Variants in ATP10A observed in about 807,000 individuals in gnomAD.
ATP10A encodes the protein phospholipid-transporting ATPase VA.
In ATP10A, 111 loss-of-function variants were observed where a neutral mutation model predicts 147.8. That is an observed-to-expected ratio of 0.75 (90% CI 0.64 to 0.88). ATP10A has a LOEUF of 0.88. Ranked by LOEUF, ATP10A falls within the 40% of genes least tolerant of loss-of-function variation. The pLI is 0.00. For synonymous variants in ATP10A, 875 were observed against 841.6 expected (o/e 1.04, Z -0.69); for missense variants, 1,927 against 1,959.0 (o/e 0.98, Z 0.31).
chr15:25,681,152 G>A (rs894572554), intron 17 of ATP10A, 78 bp from the exon 18 acceptor site: 3 of 1,426,264 alleles, frequency 2.1e-6, no homozygotes, highest in East Asian at 4.8e-5. Flanking sequence ...TAAAAATGGA[G>A]TCACTTGTGT....
rs928551220 is a variant in ATP10A at position 25,752,996 on chromosome 15, G to A, written c.655-16855C>T. On this transcript the variant is annotated intron_variant, in intron 2 of 20. Transcript: ENST00000555815. ...ATTTATAATTGTATAAATTTATGGGGTATAAAGTAATGGTATAATTTGTGA... is the reference window on the plus strand; with the variant it reads ...ATTTATAATTGTATAAATTTATGGGATATAAAGTAATGGTATAATTTGTGA... 3.3e-5 allele frequency among the ~76,000 whole-genome samples: 5 copies of A among 151,960 alleles called. No homozygotes were observed. In the East Asian group the frequency reaches 9.6e-4, roughly 29 times the overall value.
chr15:25,862,537 G>A, intron 1 of ATP10A, 111 bp downstream of exon 1: 1 of 1,264,238 alleles, frequency 7.9e-7, no homozygotes, highest in Non-Finnish European at 1.1e-6. Context: ...ACCCTGAGTG[G>A]AGCTGCCTTC....
intron 1 of ATP10A, among the ~76,000 whole-genome samples, chr15:25,782,485 C>T (rs765177554): frequency 5.3e-5 from 8 of 152,080 alleles, no homozygotes; most frequent in South Asian, 4.2e-4. Flanking sequence ...CATGTTTCAT[C>T]GTAATAAAAA....
In ATP10A at chr15:25,752,475, G is replaced by A. The variant is rs185969841; in HGVS notation, c.655-16334C>T. Reference sequence around the variant, plus strand: ...ACTCAGAAGCAGAGAGTGGAATTGTGGTTACAGAGGCTGGGAGTTGGGAGA... The same window carrying A: ...ACTCAGAAGCAGAGAGTGGAATTGTAGTTACAGAGGCTGGGAGTTGGGAGA... On this transcript the variant is annotated intron_variant, in intron 2 of 20. Transcript: ENST00000555815. Among the ~76,000 whole-genome samples the A allele has an allele frequency of 1.3e-3, 198 of 152,278 alleles. 1 individual carries two copies. Among genetic ancestry groups the A allele is most frequent in the African/African-American group, 4.5e-3 (187 of 41,552 alleles).
chr15:25,701,191 G>A lies in ATP10A; in HGVS notation c.2760+725C>T, dbSNP rs899341437. Among the ~76,000 whole-genome samples the A allele has an allele frequency of 3.9e-5, 6 of 152,168 alleles. No individual in the cohort carries two copies. In the South Asian group the frequency reaches 1.2e-3, roughly 32 times the overall value. On this transcript the variant is annotated intron_variant, in intron 13 of 20. Transcript: ENST00000555815. ...TCCTAGAGGCCAGGAGATGAGTGGG[G>A]GCTGCTGCAATAACTCACAGAGCAG...
chr15:25,693,689 C>G (rs1900156422), intron 14 of ATP10A, among the ~76,000 whole-genome samples: 1 of 152,210 alleles, frequency 6.6e-6, no homozygotes, highest in Non-Finnish European at 1.5e-5. Context: ...CAGGCCATGG[C>G]TGTTAGGTTC....
chr15:25,832,903 C>T (rs1892422701), intron 1 of ATP10A, among the ~76,000 whole-genome samples: 1 of 151,796 alleles, frequency 6.6e-6, no homozygotes, highest in Non-Finnish European at 1.5e-5. Context: ...AAACCGTATA[C>T]ATAGGCAATA....
downstream of ATP10A, among the ~76,000 whole-genome samples, chr15:25,676,426 T>G (rs999705579): frequency 5.9e-5 from 9 of 152,226 alleles, no homozygotes; most frequent in Non-Finnish European, 1.3e-4. Context: ...ATCCAAGCAC[T>G]TGCAGCCATG....
At chr15:25,772,739 C>T (rs187756956) in intron 2 of ATP10A, among the ~76,000 whole-genome samples, 142 of 152,246 alleles carry the variant, frequency 9.3e-4, no homozygotes, top group African/African-American at 3.0e-3. Flanking sequence ...ATGAACACCC[C>T]GGCATGCACC....
chr15:25,687,941 A>T, intron 15 of ATP10A, 113 bp from the exon 16 acceptor site: 5 of 1,505,960 alleles, frequency 3.3e-6, no homozygotes, highest in Non-Finnish European at 3.7e-6. Context: ...CATTCTGAAC[A>T]CAGTGCGAGC....
At chr15:25,691,575 T>G (rs1485146172) in intron 15 of ATP10A, 140 bp downstream of exon 15, 2 of 766,854 alleles carry the variant, frequency 2.6e-6, no homozygotes, top group African/African-American at 1.7e-5. Context: ...GCAGCTGTAT[T>G]GAGCATCAGC....
intron 1 of ATP10A, among the ~76,000 whole-genome samples, chr15:25,798,794 G>T (rs775012369): frequency 1.3e-5 from 2 of 152,174 alleles, no homozygotes; most frequent in Non-Finnish European, 2.9e-5. Context: ...CTGTGATTCT[G>T]TTGGAGCTGC....
At chr15:25,751,037 G>A (rs765838905) in intron 2 of ATP10A, among the ~76,000 whole-genome samples, 38 of 151,946 alleles carry the variant, frequency 2.5e-4, no homozygotes, top group Non-Finnish European at 4.6e-4. Flanking sequence ...TCAATTAAAA[G>A]GCAGACTCGT....
At chr15:25,790,325 T>G (rs1890352397) in intron 1 of ATP10A, among the ~76,000 whole-genome samples, 1 of 152,240 alleles carries the variant, frequency 6.6e-6, no homozygotes. Context: ...CTATTCTGTA[T>G]GTCTCCTCGA....
intron 1 of ATP10A, among the ~76,000 whole-genome samples, chr15:25,857,545 G>A (rs1480768955): frequency 2.0e-5 from 3 of 152,158 alleles, no homozygotes; most frequent in Non-Finnish European, 2.9e-5. Context: ...ACATTTACAG[G>A]TGAAACGTCA....
intron 2 of ATP10A, among the ~76,000 whole-genome samples, chr15:25,745,720 C>A (rs1596805936): frequency 6.6e-6 from 1 of 152,080 alleles, no homozygotes; most frequent in African/African-American, 2.4e-5. Flanking sequence ...GATACAATTA[C>A]AAAACACAAG....
At chr15:25,697,097 A>G (rs1900381644) in intron 13 of ATP10A, among the ~76,000 whole-genome samples, 1 of 152,308 alleles carries the variant, frequency 6.6e-6, no homozygotes, top group South Asian at 2.1e-4. Context: ...TTGTAAAGAG[A>G]AGCTTGGCTA....
intron 2 of ATP10A, among the ~76,000 whole-genome samples, chr15:25,774,778 A>C (rs138791141): frequency 6.6e-6 from 1 of 152,180 alleles, no homozygotes; most frequent in East Asian, 1.9e-4. Context: ...TCAAATAATC[A>C]TATTACCTAC....
At chr15:25,705,277 A>T (rs1254360041) in intron 12 of ATP10A, among the ~76,000 whole-genome samples, 1 of 151,764 alleles carries the variant, frequency 6.6e-6, no homozygotes, top group East Asian at 1.9e-4. Flanking sequence ...TACCAAAAAA[A>T]AGTAAAAATT....
Sources: gnomAD v4.1 joint callset for allele counts (sites outside exome capture counted in the v4.1 genomes callset) on GRCh38, gnomAD v4.1.1 for gene constraint, MANE v1.5 for transcripts, NCBI Gene and HGNC (gene_info 2026-07-23, HGNC 2026-07-21) for gene names.